The following SPAST variants were observed in gnomAD, a reference collection of about 807,000 sequenced individuals.
The protein encoded by SPAST is spastin, also known as spastic paraplegia 4 (autosomal dominant; spastin).
Under a neutral mutation model 76.6 loss-of-function variants are expected in SPAST, and 30 were observed. That is an observed-to-expected ratio of 0.39 (90% CI 0.29 to 0.53). The LOEUF (loss-of-function observed/expected upper bound fraction) is 0.53, where lower values mean the gene tolerates loss of function less well. SPAST is among the 20% of genes least tolerant of loss of function. SPAST has a pLI of 0.68. For synonymous variants in SPAST, 305 were observed against 281.0 expected (o/e 1.09, Z -0.86); for missense variants, 717 against 770.5 (o/e 0.93, Z 0.82).
chr2:32,086,135 G>T (rs955008065), intron 1 of SPAST, among the ~76,000 whole-genome samples: 5 of 151,822 alleles, frequency 3.3e-5, no homozygotes, highest in Non-Finnish European at 5.9e-5. Flanking sequence ...TAATAATAAG[G>T]AATAGTATGG....
intron 15 of SPAST, 146 bp from the exon 16 acceptor site, chr2:32,147,072 C>T (rs1157729883): frequency 1.1e-5 from 7 of 616,252 alleles, no homozygotes; most frequent in Non-Finnish European, 2.1e-5. Context: ...TGTATTTGCT[C>T]TCAAAGTTAA....
intron 7 of SPAST, among the ~76,000 whole-genome samples, chr2:32,120,804 T>G (rs961510031): frequency 1.1e-4 from 16 of 152,224 alleles, no homozygotes; most frequent in Admixed American, 4.6e-4. Context: ...GCTACATCTT[T>G]CAGTAACTGA....
At chr2:32,074,530 G>A (rs191639418) in intron 1 of SPAST, among the ~76,000 whole-genome samples, 15 of 149,048 alleles carry the variant, frequency 1.0e-4, no homozygotes, top group African/African-American at 3.7e-4. Context: ...TTTTAAAATA[G>A]AGTCTGGCTC....
chr2:32,138,227 A>C (rs1311399900), intron 12 of SPAST, among the ~76,000 whole-genome samples: 1 of 152,184 alleles, frequency 6.6e-6, no homozygotes, highest in African/African-American at 2.4e-5. Flanking sequence ...TTTTTTGAGA[A>C]ATCTTCAAAC....
intron 4 of SPAST, among the ~76,000 whole-genome samples, chr2:32,113,020 A>G (rs760361758): frequency 1.1e-4 from 17 of 152,186 alleles, no homozygotes; most frequent in East Asian, 3.8e-4. Context: ...AACCTTTTCA[A>G]CTTAATCAGA....
At chr2:32,110,551 CTA>C (rs1210344510) in intron 4 of SPAST, among the ~76,000 whole-genome samples, 2 of 54,184 alleles carry the variant, frequency 3.7e-5, no homozygotes, top group African/African-American at 1.4e-4. Flanking sequence ...TATATATATA[CTA>C]TATAGTGTGT....
intron 2 of SPAST, among the ~76,000 whole-genome samples, chr2:32,089,069 A>G (rs1449909163): frequency 6.6e-6 from 1 of 151,934 alleles, no homozygotes; most frequent in Non-Finnish European, 1.5e-5. Flanking sequence ...TAGGTATTAT[A>G]TGTATTCTTT....
At chr2:32,083,762 A>ATTTTTTT (rs1677350861) in intron 1 of SPAST, among the ~76,000 whole-genome samples, 2 of 43,018 alleles carry the variant, frequency 4.6e-5, no homozygotes, top group East Asian at 5.9e-4. Flanking sequence ...ATATATATAT[A>ATTTTTTT]TATATATATA....
intron 1 of SPAST, among the ~76,000 whole-genome samples, chr2:32,068,986 G>C (rs1268979738): frequency 6.6e-6 from 1 of 152,066 alleles, no homozygotes; most frequent in Non-Finnish European, 1.5e-5. Flanking sequence ...GAGGCAGGCG[G>C]ATCACTTGTA....
In SPAST at chr2:32,136,978, G is replaced by T; in HGVS notation, c.1413+10G>T. 6.2e-7 allele frequency: 1 copy of T among 1,601,594 alleles called. No individual in the cohort carries two copies. The highest frequency in any genetic ancestry group is 1.1e-5 in the South Asian group (1 of 90,636). ...AATAGAATTTGATGGTGTAAGTGTT[G>T]ATTATGATATTTTTAATGTGGCAGC... is the stretch of plus-strand genomic sequence containing the variant. On this transcript the variant is annotated intron_variant, in intron 11 of 16. Transcript: ENST00000315285.
intron 4 of SPAST, among the ~76,000 whole-genome samples, chr2:32,108,326 A>T (rs1010086405): frequency 6.6e-6 from 1 of 152,318 alleles, no homozygotes; most frequent in Non-Finnish European, 1.5e-5. Context: ...GCAGGTCTGT[A>T]GAAATTACTA....
chr2:32,124,813 C>G (rs546853437), intron 7 of SPAST, among the ~76,000 whole-genome samples: 69 of 152,256 alleles, frequency 4.5e-4, no homozygotes, highest in Non-Finnish European at 6.8e-4. Context: ...CTATAGGATT[C>G]TGACTATATG....
intron 12 of SPAST, among the ~76,000 whole-genome samples, chr2:32,139,284 GA>G (rs2148756114): frequency 1.3e-5 from 2 of 152,216 alleles, no homozygotes; most frequent in South Asian, 4.1e-4. Flanking sequence ...TCAGGCAAGA[GA>G]AGGAAACAAA....
At chr2:32,137,797 C>T (rs1042953976) in intron 12 of SPAST, among the ~76,000 whole-genome samples, 3 of 152,126 alleles carry the variant, frequency 2.0e-5, no homozygotes, top group African/African-American at 7.2e-5. Flanking sequence ...AGTTTTTCAA[C>T]CCACACCTCA....
chr2:32,087,711 T>C (rs1677547786), intron 2 of SPAST, 133 bp downstream of exon 2: 1 of 382,020 alleles, frequency 2.6e-6, no homozygotes. Context: ...TTTTTTTTTT[T>C]TGAGACAGGG....
rs772186502 is a variant in SPAST at position 32,154,426 on chromosome 2, G to A, written c.1781G>A (p.Arg594His). 2 of 1,609,682 alleles carry A rather than the reference G, an allele frequency of 1.2e-6. No individual in the cohort carries two copies. The highest frequency in any genetic ancestry group is 1.7e-6 in the Non-Finnish European group (2 of 1,176,750). ...DFTESLKKIK[R>H]SVSPQTLEAY... is the part of the protein sequence containing the mutation. The stretch of plus-strand genomic sequence containing the variant: ...ACTGAATCCTTGAAAAAAATAAAAC[G>A]CAGCGTCAGCCCTCAAACTTTAGAA... The change falls in exon 17 of 17, where the codon CGC (arginine) becomes CAC (histidine). Residue 594 changes from arginine to histidine, a missense_variant. This residue lies in a region of SPAST where 96 missense variants were observed against 127.6 expected (regional missense o/e 0.75). Transcript: ENST00000315285.
chr2:32,143,534 T>C (rs1679790397), intron 14 of SPAST, 119 bp downstream of exon 14: 1 of 693,392 alleles, frequency 1.4e-6, no homozygotes. Context: ...ATCAGAAGAC[T>C]TTCTCTCATC....
intron 4 of SPAST, among the ~76,000 whole-genome samples, chr2:32,113,469 T>A (rs1203570314): frequency 1.3e-5 from 2 of 152,160 alleles, no homozygotes; most frequent in East Asian, 1.9e-4. Flanking sequence ...ATCAAAGTAG[T>A]CGAGTGCTAC....
At chr2:32,123,107 C>G (rs1679071037) in intron 7 of SPAST, among the ~76,000 whole-genome samples, 1 of 151,946 alleles carries the variant, frequency 6.6e-6, no homozygotes, top group Admixed American at 6.6e-5. Context: ...ACTAAAAATA[C>G]AAAAATTAGC....
Sources: allele counts gnomAD v4.1 joint callset (sites outside exome capture counted in the v4.1 genomes callset), GRCh38; gene constraint gnomAD v4.1.1; regional missense constraint gnomAD v4.1.1; transcripts MANE v1.5; gene names NCBI Gene and HGNC (gene_info 2026-07-23, HGNC 2026-07-21).